The following ARHGAP28 variants were observed in gnomAD, a reference collection of about 807,000 sequenced individuals.
ARHGAP28 encodes the protein Rho GTPase activating protein 28, also known as rho GTPase-activating protein 28.
In ARHGAP28, 56 loss-of-function variants were observed where a neutral mutation model predicts 90.7. That is an observed-to-expected ratio of 0.62 (90% CI 0.50 to 0.77). The LOEUF (loss-of-function observed/expected upper bound fraction) is 0.77, where lower values mean the gene tolerates loss of function less well. Ranked by LOEUF, ARHGAP28 falls within the 30% of genes least tolerant of loss-of-function variation. The pLI is 0.00. For missense variants in ARHGAP28, 869 were observed against 900.9 expected (o/e 0.96, Z 0.45); for synonymous variants, 308 against 323.3 (o/e 0.95, Z 0.51).
chr18:6,757,462 G>A (rs1952938226), intron 1 of ARHGAP28, among the ~76,000 whole-genome samples: 1 of 152,106 alleles, frequency 6.6e-6, no homozygotes, highest in Admixed American at 6.5e-5. Flanking sequence ...ATCTGAAGTA[G>A]GAATTCTAGG....
Position 6,729,757 on chromosome 18 carries a change from C to G in ARHGAP28, c.-65C>G. The G allele has an allele frequency of 7.7e-7, 1 of 1,292,226 alleles. No individual in the cohort carries two copies. The highest frequency in any genetic ancestry group is 9.8e-7 in the Non-Finnish European group (1 of 1,020,460). The allele number at this position is 1,292,226 out of a possible 1,614,324, so 80.0% of individuals were successfully genotyped here. A position where few individuals can be genotyped will look rare whatever the true frequency, so the allele number is the denominator to read the frequency against. On this transcript the variant is annotated 5_prime_UTR_variant, in exon 1 of 18. Coordinates refer to ENST00000383472, the MANE Select transcript of ARHGAP28 (RefSeq NM_001366230.1). Reference sequence around the variant, plus strand: ...CGCCCAGCTGCTGACAGCCTCCCGGCGCGCCGGTCCATGCTGGTCCCGGTC... The same window carrying G: ...CGCCCAGCTGCTGACAGCCTCCCGGGGCGCCGGTCCATGCTGGTCCCGGTC...
chr18:6,820,373 G>A (rs878997809), intron 1 of ARHGAP28, among the ~76,000 whole-genome samples: 1 of 152,244 alleles, frequency 6.6e-6, no homozygotes, highest in Admixed American at 6.5e-5. Flanking sequence ...CTGAAGCAGA[G>A]AGAGAGTTGG....
chr18:6,797,755 G>A (rs982020246), intron 1 of ARHGAP28, among the ~76,000 whole-genome samples: 35 of 150,550 alleles, frequency 2.3e-4, no homozygotes, highest in Admixed American at 1.8e-3. Flanking sequence ...TCCGCCTCCC[G>A]GGTTCAAGTG....
At chr18:6,827,413 G>T (rs1311558043) in intron 2 of ARHGAP28, among the ~76,000 whole-genome samples, 2 of 143,380 alleles carry the variant, frequency 1.4e-5, no homozygotes, top group African/African-American at 2.6e-5. Context: ...CCGGGAGGGG[G>T]GTTGACCCCC....
intron 3 of ARHGAP28, among the ~76,000 whole-genome samples, chr18:6,839,570 T>G (rs879307452): frequency 6.6e-6 from 1 of 152,224 alleles, no homozygotes; most frequent in African/African-American, 2.4e-5. Context: ...GTGCTGGGAT[T>G]ACAGGCGTGA....
At chr18:6,783,420 G>T (rs564930374) in intron 1 of ARHGAP28, among the ~76,000 whole-genome samples, 148 of 151,562 alleles carry the variant, frequency 9.8e-4, no homozygotes, top group Admixed American at 1.8e-3. Flanking sequence ...TCCTGCCTCA[G>T]CCTCCCAAGT....
At chr18:6,731,824 CACTA>C (rs1331952165) in intron 1 of ARHGAP28, among the ~76,000 whole-genome samples, 9 of 152,218 alleles carry the variant, frequency 5.9e-5, no homozygotes, top group South Asian at 4.1e-4. Flanking sequence ...ACCTTTGACT[CACTA>C]ACTAATGATC....
At chr18:6,805,850 A>T (rs565700733) in intron 1 of ARHGAP28, among the ~76,000 whole-genome samples, 2 of 151,752 alleles carry the variant, frequency 1.3e-5, no homozygotes, top group East Asian at 3.9e-4. Flanking sequence ...ATGTGGTTGC[A>T]TTTAAATATT....
At chr18:6,868,070 A>C (rs2057051763) in intron 5 of ARHGAP28, 80 bp from the exon 6 acceptor site, 2 of 1,172,290 alleles carry the variant, frequency 1.7e-6, no homozygotes, top group African/African-American at 3.0e-5. Context: ...TGTATACTGC[A>C]GAACATAAGT....
Position 6,851,145 on chromosome 18 carries a change from G to A in ARHGAP28, c.636+19G>A. 8 of 1,608,098 alleles carry A rather than the reference G, an allele frequency of 5.0e-6. No homozygotes were observed. The highest frequency in any genetic ancestry group is 6.8e-6 in the Non-Finnish European group (8 of 1,175,278). ...TTCCATGGTAAGTTATAGTTGTGGG[G>A]GGATGGTGGTAGGCATGAAATAAGC... On this transcript the variant is annotated intron_variant, in intron 4 of 17. Coordinates refer to ENST00000383472, the MANE Select transcript of ARHGAP28 (RefSeq NM_001366230.1).
intron 1 of ARHGAP28, among the ~76,000 whole-genome samples, chr18:6,792,290 C>T (rs568145428): frequency 1.3e-5 from 2 of 152,292 alleles, no homozygotes; most frequent in South Asian, 4.1e-4. Context: ...ACATTTAATA[C>T]ATGTGCAGTT....
chr18:6,756,121 A>T (rs1364339130), intron 1 of ARHGAP28, among the ~76,000 whole-genome samples: 1 of 152,224 alleles, frequency 6.6e-6, no homozygotes, highest in Non-Finnish European at 1.5e-5. Context: ...TGGGGATAGT[A>T]ATAGTATTAA....
At chr18:6,846,451 G>T (rs2056866727) in intron 3 of ARHGAP28, among the ~76,000 whole-genome samples, 1 of 152,198 alleles carries the variant, frequency 6.6e-6, no homozygotes, top group African/African-American at 2.4e-5. Context: ...CTCTTCTGTT[G>T]CCTGAAGGTA....
rs567025391 is a variant in ARHGAP28 at position 6,809,870 on chromosome 18, T to C, written c.123-14892T>C. Among the ~76,000 whole-genome samples, 190 of 152,242 alleles carry C rather than the reference T, an allele frequency of 1.2e-3. 1 individual carries two copies. Among genetic ancestry groups the C allele is most frequent in the African/African-American group, 4.4e-3 (184 of 41,538 alleles). ...GCTAGATTTGCAGTACCTAGAATGG[T>C]GTCTGGCATCTTGAATCTTGTACCT... is the stretch of plus-strand genomic sequence containing the variant. On this transcript the variant is annotated intron_variant, in intron 1 of 17. Transcript: ENST00000383472.
intron 2 of ARHGAP28, among the ~76,000 whole-genome samples, chr18:6,830,609 T>C (rs1276936107): frequency 6.6e-6 from 1 of 152,124 alleles, no homozygotes; most frequent in Non-Finnish European, 1.5e-5. Context: ...CTGAGAAAAA[T>C]GGTTTCCAAC....
intron 1 of ARHGAP28, among the ~76,000 whole-genome samples, chr18:6,743,458 G>A (rs60027722): frequency 0.21 from 31,695 of 152,060 alleles, 3,507 homozygotes; most frequent in South Asian, 0.37. Flanking sequence ...GTGGAAATGT[G>A]ATTTCTCCTT....
intron 15 of ARHGAP28, among the ~76,000 whole-genome samples, chr18:6,895,761 A>C (rs2057300201): frequency 6.6e-6 from 1 of 152,204 alleles, no homozygotes; most frequent in Admixed American, 6.5e-5. Context: ...CCTATTTCCA[A>C]ATAAGGTCAC....
At chr18:6,850,678 T>A (rs538600417) in intron 3 of ARHGAP28, 5 of 721,502 alleles carry the variant, frequency 6.9e-6, no homozygotes, top group Non-Finnish European at 1.1e-5. Context: ...CATTCATATC[T>A]TACTGGATGG....
At chr18:6,887,779 T>G (rs1391648701) in intron 12 of ARHGAP28, among the ~76,000 whole-genome samples, 2 of 152,246 alleles carry the variant, frequency 1.3e-5, no homozygotes, top group African/African-American at 4.8e-5. Context: ...AGATGTTGAC[T>G]GTCTATCCTG....
Sources: gnomAD v4.1 joint callset for allele counts (sites outside exome capture counted in the v4.1 genomes callset) on GRCh38, gnomAD v4.1.1 for gene constraint, MANE v1.5 for transcripts, NCBI Gene and HGNC (gene_info 2026-07-23, HGNC 2026-07-21) for gene names.